The following RYR2 variants were observed in gnomAD, a reference collection of about 807,000 sequenced individuals.
RYR2 encodes the protein ryanodine receptor 2.
A neutral mutation model predicts 601.1 loss-of-function variants in RYR2; 227 were observed. The observed-to-expected ratio is 0.38, with a 90% CI of 0.34 to 0.42. RYR2 has a LOEUF of 0.42. Among genes scored for constraint, RYR2 ranks in the 10% least tolerant of loss-of-function variants. RYR2 has a pLI of 1.00. For synonymous variants in RYR2, 2,223 were observed against 2,175.1 expected (o/e 1.02, Z -0.61); for missense variants, 4,646 against 6,156.5 (o/e 0.75, Z 8.21).
intron 23 of RYR2, among the ~76,000 whole-genome samples, chr1:237,511,293 G>GA (rs1665867202): frequency 8.0e-6 from 1 of 125,304 alleles, no homozygotes; most frequent in Admixed American, 8.3e-5. Flanking sequence ...AAGGTGTATG[G>GA]ACCAAAAAAA....
Position 237,625,733 on chromosome 1 carries a change from T to G in RYR2, c.6095T>G (p.Leu2032Arg). 6.2e-7 allele frequency: 1 copy of G among 1,613,830 alleles called. No individual in the cohort carries two copies. The highest frequency in any genetic ancestry group is 8.5e-7 in the Non-Finnish European group (1 of 1,179,840). ...ACAATTAGAGGGCGTCTGCTATCCCTGGTAGAAAAGGTGACATATCTGAAG... is the reference window on the plus strand; with the variant it reads ...ACAATTAGAGGGCGTCTGCTATCCCGGGTAGAAAAGGTGACATATCTGAAG... The part of the protein sequence containing the change: ...DLTIRGRLLS[L>R]VEKVTYLKKK... Residue 2032 changes from leucine (L) to arginine (R), a missense_variant, in exon 40 of 105, where the codon CTG (leucine) becomes CGG (arginine). Leu to Arg is a moderately radical substitution (Grantham distance 102, BLOSUM62 -2). Transcript: ENST00000366574.
intron 16 of RYR2, among the ~76,000 whole-genome samples, chr1:237,466,276 C>T (rs1660078085): frequency 6.6e-6 from 1 of 152,046 alleles, no homozygotes; most frequent in Non-Finnish European, 1.5e-5. Context: ...AGCAATCTTC[C>T]CTCCTCAGCC....
intron 2 of RYR2, among the ~76,000 whole-genome samples, chr1:237,326,571 A>G (rs540388332): frequency 3.9e-4 from 59 of 152,294 alleles, no homozygotes; most frequent in African/African-American, 1.4e-3. Context: ...TTGTGTTCCG[A>G]TGTGATCTGA....
intron 10 of RYR2, among the ~76,000 whole-genome samples, chr1:237,410,527 CT>C (rs536841824): frequency 6.2e-4 from 95 of 152,106 alleles, no homozygotes; most frequent in Non-Finnish European, 1.1e-3. Context: ...AGCCCACTGC[CT>C]TTTTTTGCAA....
intron 16 of RYR2, among the ~76,000 whole-genome samples, chr1:237,462,953 A>G (rs1659649256): frequency 6.6e-6 from 1 of 152,138 alleles, no homozygotes; most frequent in East Asian, 1.9e-4. Flanking sequence ...GTTCCCAGGT[A>G]GGAGTCCTCA....
At chr1:237,737,973 G>A (rs879450370) in intron 79 of RYR2, among the ~76,000 whole-genome samples, 10 of 151,988 alleles carry the variant, frequency 6.6e-5, no homozygotes, top group Admixed American at 1.3e-4. Flanking sequence ...TATTAATATC[G>A]AACTTCCTAG....
At chr1:237,546,993 A>ATATATATATATATT (rs746133377) in intron 25 of RYR2, among the ~76,000 whole-genome samples, 126 of 127,382 alleles carry the variant, frequency 9.9e-4, no homozygotes, top group East Asian at 1.6e-3. Context: ...ATATATATAT[A>ATATATATATATATT]TATTTATTTA....
At chr1:237,381,497 A>G (rs1701516932) in intron 8 of RYR2, among the ~76,000 whole-genome samples, 1 of 152,242 alleles carries the variant, frequency 6.6e-6, no homozygotes, top group African/African-American at 2.4e-5. Context: ...ATTTCCAGTC[A>G]TTGATTTTAC....
At position 237,614,097 on chromosome 1, in the gene RYR2, A is replaced by T; in HGVS notation, c.4969A>T (p.Thr1657Ser). The T allele has an allele frequency of 6.2e-7, 1 of 1,613,460 alleles. No individual in the cohort carries two copies. Among genetic ancestry groups the T allele is most frequent in the Non-Finnish European group, 8.5e-7 (1 of 1,179,782 alleles). Residue 1657 changes from threonine (T) to serine (S), a missense_variant, in exon 37 of 105, where the codon ACT becomes TCT. Transcript: ENST00000366574. This position sits in a 1 kb window ranked among gnomAD's most constrained non-coding sequence, Gnocchi z 4.3. ...QEELLKFHYH[T>S]LRLYSAVCAL... ...GGAATTGCTGAAATTTCACTATCAC[A>T]CTCTCCGGCTCTACTCAGCCGTCTG...
chr1:237,704,200 C>G (rs1258864253), intron 66 of RYR2, among the ~76,000 whole-genome samples: 1 of 151,924 alleles, frequency 6.6e-6, no homozygotes, highest in African/African-American at 2.4e-5. Context: ...CAGATGAAGG[C>G]TGAGAAAAGA....
chr1:237,621,861 G>T (rs909883933), intron 38 of RYR2, among the ~76,000 whole-genome samples: 2 of 152,130 alleles, frequency 1.3e-5, no homozygotes, highest in Non-Finnish European at 2.9e-5. Context: ...CAAATTTGTG[G>T]TTGCCACGAC....
chr1:237,159,113 A>G (rs890938649), intron 1 of RYR2, among the ~76,000 whole-genome samples: 1 of 151,912 alleles, frequency 6.6e-6, no homozygotes, highest in African/African-American at 2.4e-5. Context: ...ACCAACATGA[A>G]GAAACCTGTC....
rs375634225 is a variant in RYR2 at position 237,831,468 on chromosome 1, A to G, written c.14757-46A>G. On this transcript the variant is annotated intron_variant, in intron 103 of 104. Coordinates refer to ENST00000366574, the MANE Select transcript of RYR2 (RefSeq NM_001035.3). ...ATCTAAATATGCCCTGTTTATCCTA[A>G]TATTTCCATACCGTTCATTTCTGAT... 7 of 1,046,778 alleles carry G rather than the reference A, an allele frequency of 6.7e-6. No homozygotes were observed. In the African/African-American group the frequency reaches 9.5e-5, roughly 14 times the overall value. 64.8% of individuals were successfully genotyped at this position (1,046,778 alleles called of 1,614,324 possible).
chr1:237,688,759 G>A (rs973005064), intron 63 of RYR2, among the ~76,000 whole-genome samples: 3 of 152,042 alleles, frequency 2.0e-5, no homozygotes, highest in African/African-American at 7.2e-5. Flanking sequence ...GAATAACAGT[G>A]GATTCAAATA....
At chr1:237,330,286 C>T (rs1054136362) in intron 2 of RYR2, among the ~76,000 whole-genome samples, 8 of 152,216 alleles carry the variant, frequency 5.3e-5, no homozygotes, top group Admixed American at 5.2e-4. Context: ...ATTATAGATA[C>T]AGCTCCCAGG....
At chr1:237,588,068 C>T (rs1193654011) in intron 29 of RYR2, among the ~76,000 whole-genome samples, 27 of 152,116 alleles carry the variant, frequency 1.8e-4, no homozygotes, top group Admixed American at 1.6e-3. Flanking sequence ...TCTTTGGGGA[C>T]ACTCATTTAA....
chr1:237,228,787 C>T (rs1206763864), intron 1 of RYR2, among the ~76,000 whole-genome samples: 3 of 152,064 alleles, frequency 2.0e-5, no homozygotes, highest in Non-Finnish European at 4.4e-5. Context: ...AGAGTAAGAA[C>T]CTGCACTGTT....
At chr1:237,435,664 A>C (rs1282380363) in intron 12 of RYR2, among the ~76,000 whole-genome samples, 1 of 152,214 alleles carries the variant, frequency 6.6e-6, no homozygotes, top group Non-Finnish European at 1.5e-5. Flanking sequence ...TCTGTGATTA[A>C]CATATCATAA....
chr1:237,048,446 C>T (rs1178936006), intron 1 of RYR2, among the ~76,000 whole-genome samples: 2 of 152,088 alleles, frequency 1.3e-5, no homozygotes, highest in African/African-American at 2.4e-5. Context: ...TGCAACAAAT[C>T]GGCAACCCAC....
Sources: allele counts gnomAD v4.1 joint callset (sites outside exome capture counted in the v4.1 genomes callset), GRCh38; gene constraint gnomAD v4.1.1; non-coding constraint Gnocchi (gnomAD v3.1); transcripts MANE v1.5; gene names NCBI Gene and HGNC (gene_info 2026-07-23, HGNC 2026-07-21).